The following LRP1B variants were observed in gnomAD, a reference collection of about 807,000 sequenced individuals.
LRP1B encodes low-density lipoprotein receptor-related protein 1B.
A neutral mutation model predicts 556.6 loss-of-function variants in LRP1B; 217 were observed. The observed-to-expected ratio is 0.39, with a 90% CI of 0.35 to 0.44. The LOEUF is 0.44. LRP1B is among the 20% of genes least tolerant of loss of function. The pLI, the probability that LRP1B is intolerant of heterozygous loss-of-function variation, is 1.00. For synonymous variants in LRP1B, 2,047 were observed against 1,865.8 expected, an observed-to-expected ratio of 1.10 and a Z score of -2.50; for missense variants, 5,053 against 5,620.8, an observed-to-expected ratio of 0.90 and a Z score of 3.23.
chr2:141,773,484 G>T (rs376357352), intron 2 of LRP1B, among the ~76,000 whole-genome samples: 3 of 152,194 alleles, frequency 2.0e-5, no homozygotes, highest in Non-Finnish European at 4.4e-5. Flanking sequence ...AAATGAGGAA[G>T]ATTATTTATC....
At chr2:141,813,413 C>A (rs1349136853) in intron 1 of LRP1B, among the ~76,000 whole-genome samples, 1 of 151,854 alleles carries the variant, frequency 6.6e-6, no homozygotes, top group South Asian at 2.1e-4. Context: ...GAGAGTGACA[C>A]CCATTTGAAT....
intron 16 of LRP1B, among the ~76,000 whole-genome samples, chr2:140,990,419 C>A (rs1429367): frequency 0.43 from 64,653 of 151,788 alleles, 14,653 homozygotes; most frequent in East Asian, 0.61. Flanking sequence ...AACATATTAA[C>A]TAAGCCTACT....
intron 60 of LRP1B, among the ~76,000 whole-genome samples, chr2:140,464,846 A>G (rs1271679644): frequency 6.6e-6 from 1 of 152,210 alleles, no homozygotes; most frequent in East Asian, 1.9e-4. Flanking sequence ...TCTGGGACAC[A>G]TATCAAGTAT....
At chr2:141,718,638 G>A (rs6724084) in intron 2 of LRP1B, among the ~76,000 whole-genome samples, 60,640 of 151,968 alleles carry the variant, frequency 0.4, 12,604 homozygotes, top group East Asian at 0.68. Context: ...TGTCCAAAAT[G>A]CTATCATTAT....
intron 56 of LRP1B, among the ~76,000 whole-genome samples, chr2:140,493,149 T>C (rs1462794313): frequency 2.0e-5 from 3 of 152,156 alleles, no homozygotes; most frequent in African/African-American, 7.2e-5. Flanking sequence ...TCACTGCATA[T>C]ATATATACCC....
chr2:141,322,408 G>A (rs557057890), intron 3 of LRP1B, among the ~76,000 whole-genome samples: 1 of 152,180 alleles, frequency 6.6e-6, no homozygotes, highest in Non-Finnish European at 1.5e-5. Flanking sequence ...AAGAGAGACA[G>A]GGTGACATTA....
intron 2 of LRP1B, among the ~76,000 whole-genome samples, chr2:141,497,220 A>C (rs1683539582): frequency 6.6e-6 from 1 of 152,006 alleles, no homozygotes; most frequent in African/African-American, 2.4e-5. Flanking sequence ...CTCAAAATTT[A>C]CTTCTGGAAA....
intron 86 of LRP1B, among the ~76,000 whole-genome samples, chr2:140,260,161 G>A (rs1426741489): frequency 6.6e-6 from 1 of 151,808 alleles, no homozygotes; most frequent in Non-Finnish European, 1.5e-5. Flanking sequence ...CTTGCTATGG[G>A]CAAGAAGCAA....
chr2:141,711,672 T>G (rs1166157795), intron 2 of LRP1B, among the ~76,000 whole-genome samples: 2 of 152,152 alleles, frequency 1.3e-5, no homozygotes, highest in Non-Finnish European at 2.9e-5. Context: ...AATATAAAAT[T>G]CACAAAAGTC....
At chr2:141,453,944 T>C (rs936082804) in intron 3 of LRP1B, among the ~76,000 whole-genome samples, 6 of 151,610 alleles carry the variant, frequency 4.0e-5, no homozygotes, top group African/African-American at 1.2e-4. Flanking sequence ...AAAGTTCTAG[T>C]GTTTATTTAT....
At position 140,937,758 on chromosome 2, in the gene LRP1B, G is replaced by T. The variant is rs1166588695; in HGVS notation, c.3136+12477C>A. Among the ~76,000 whole-genome samples the T allele has an allele frequency of 2.0e-5, 3 of 152,022 alleles. No homozygotes were observed. In the East Asian group the frequency reaches 5.8e-4, roughly 29 times the overall value. ...GTATGCTGCTAAAGATGGTGGGTTA[G>T]CTGAGATAGGGTATGATATAGATTA... On this transcript the variant is annotated intron_variant, in intron 20 of 90. Coordinates refer to ENST00000389484, the MANE Select transcript of LRP1B (RefSeq NM_018557.3).
At chr2:141,896,191 A>G (rs974036207) in intron 1 of LRP1B, among the ~76,000 whole-genome samples, 7 of 152,198 alleles carry the variant, frequency 4.6e-5, no homozygotes, top group African/African-American at 1.7e-4. Flanking sequence ...TGAATAATAT[A>G]TAGAAAGTCT....
At position 140,329,303 on chromosome 2, in the gene LRP1B, A is replaced by C. The variant is rs188199637; in HGVS notation, c.12224-3425T>G. Among the ~76,000 whole-genome samples, 328 of 152,204 alleles carry C rather than the reference A, an allele frequency of 2.2e-3. 2 individuals are homozygous for C. Among genetic ancestry groups the C allele is most frequent in the African/African-American group, 5.7e-3 (238 of 41,548 alleles). ...TAGCCAATATCACACTGAATAGGCA[A>C]ATGCTGGAAACATTTCCCTTGAAAA... is the stretch of plus-strand genomic sequence containing the variant. On this transcript the variant is annotated intron_variant, in intron 79 of 90. Transcript: ENST00000389484.
At chr2:142,090,616 C>A (rs73963434) in intron 1 of LRP1B, among the ~76,000 whole-genome samples, 7,898 of 152,040 alleles carry the variant, frequency 0.052, 429 homozygotes, top group African/African-American at 0.14. Flanking sequence ...ACATTTTGAA[C>A]TAAGTGTGTG....
chr2:140,481,699 A>G (rs1009387582), intron 59 of LRP1B, among the ~76,000 whole-genome samples: 9 of 151,366 alleles, frequency 5.9e-5, no homozygotes, highest in Admixed American at 2.6e-4. Flanking sequence ...CTGTGTTCCC[A>G]TATTCTGGGG....
At chr2:141,138,095 T>A (rs942828949) in intron 7 of LRP1B, among the ~76,000 whole-genome samples, 3 of 151,954 alleles carry the variant, frequency 2.0e-5, no homozygotes, top group African/African-American at 7.2e-5. Flanking sequence ...ATGTCATTAA[T>A]AAGCGGTGGT....
intron 35 of LRP1B, among the ~76,000 whole-genome samples, chr2:140,768,105 C>T (rs1689179468): frequency 1.3e-5 from 2 of 151,780 alleles, no homozygotes; most frequent in African/African-American, 2.4e-5. Flanking sequence ...TTTGTATTTC[C>T]TTTTGGTAAA....
intron 43 of LRP1B, among the ~76,000 whole-genome samples, chr2:140,580,960 GTA>G (rs760785356): frequency 5.9e-5 from 9 of 152,134 alleles, no homozygotes; most frequent in Non-Finnish European, 1.2e-4. Context: ...GCTGTCTATG[GTA>G]CACATGTTTA....
intron 32 of LRP1B, among the ~76,000 whole-genome samples, chr2:140,794,512 CACACACAT>C (rs1357709271): frequency 1.7e-5 from 2 of 118,844 alleles, no homozygotes; most frequent in Non-Finnish European, 3.9e-5. Context: ...CACACACACA[CACACACAT>C]ATTTCAAGGG....
Sources: allele counts gnomAD v4.1 joint callset (sites outside exome capture counted in the v4.1 genomes callset), GRCh38; gene constraint gnomAD v4.1.1; transcripts MANE v1.5; gene names NCBI Gene and HGNC (gene_info 2026-07-23, HGNC 2026-07-21).